TEX261: variants seen among roughly 807,000 people sequenced by gnomAD.
TEX261 encodes the protein testis expressed 261, also known as protein TEX261.
A neutral mutation model predicts 25.1 loss-of-function variants in TEX261; 13 were observed. The observed-to-expected ratio is 0.52, with a 90% CI of 0.34 to 0.82. The LOEUF is 0.82. Ranked by LOEUF, TEX261 falls within the 40% of genes least tolerant of loss-of-function variation. The pLI is 0.02. For missense variants in TEX261, 206 were observed against 243.2 expected (o/e 0.85, Z 1.02); for synonymous variants, 92 against 97.8 (o/e 0.94, Z 0.35).
chr2:70,989,012 C>T lies in TEX261; in HGVS notation c.378G>A (p.Leu126=). 1.2e-6 allele frequency: 2 copies of T among 1,613,020 alleles called. No individual in the cohort carries two copies. Among genetic ancestry groups the T allele is most frequent in the Middle Eastern group, 1.6e-4 (1 of 6,062 alleles). Residue 126 remains leucine (L), a synonymous_variant, in exon 5 of 6, where the codon CTG becomes CTA. Coordinates refer to ENST00000272438, the MANE Select transcript of TEX261 (RefSeq NM_144582.3). The part of the protein sequence containing the change: ...AEEYYPFSEV[L]AYFTFCLWII... ...TCCACAGGCAGAAAGTGAAATAGGC[C>T]AGGACCTGGCAACAAGAGAGACTGA... is the stretch of plus-strand genomic sequence containing the variant.
chr2:70,990,556 G>A (rs193150238), intron 3 of TEX261, among the ~76,000 whole-genome samples: 4 of 152,284 alleles, frequency 2.6e-5, no homozygotes, highest in Admixed American at 2.0e-4. Context: ...ATGGTGAGGT[G>A]AAGGGCAGGC....
rs969956512 is a variant in TEX261 at position 70,989,180 on chromosome 2, C to A, written c.373-163G>T. On this transcript the variant is annotated intron_variant, in intron 4 of 5. Transcript: ENST00000272438. Reference sequence around the variant, plus strand: ...AACGCCACCCTCAGACATGGAAATCCTTCTGTGGGGAAAGGTGGAGGCTGA... The same window carrying A: ...AACGCCACCCTCAGACATGGAAATCATTCTGTGGGGAAAGGTGGAGGCTGA... The A allele has an allele frequency of 9.1e-5, 59 of 649,412 alleles. 1 individual carries two copies. Among genetic ancestry groups the A allele is most frequent in the South Asian group, 5.6e-4 (31 of 54,970 alleles). 40.2% of individuals were successfully genotyped at this position (649,412 alleles called of 1,614,324 possible).
rs147705622 is a variant in TEX261 at position 70,991,829 on chromosome 2, C to A, written c.304+1G>T. 5.0e-6 allele frequency: 8 copies of A among 1,613,044 alleles called. No homozygotes were observed. Among genetic ancestry groups the A allele is most frequent in the Non-Finnish European group, 6.8e-6 (8 of 1,179,520 alleles). ...GCCTCCCCAACTCTGTCCCCTCTCACCACACGACAGGATGAAGTTAGGCGA... is the reference window on the plus strand; with the variant it reads ...GCCTCCCCAACTCTGTCCCCTCTCAACACACGACAGGATGAAGTTAGGCGA... On this transcript the variant is annotated splice_donor_variant, in intron 3 of 5. Coordinates refer to ENST00000272438, the MANE Select transcript of TEX261 (RefSeq NM_144582.3). LOFTEE classifies it high-confidence loss of function.
At chr2:70,992,146 A>T (rs1294605932) in intron 2 of TEX261, among the ~76,000 whole-genome samples, 163 bp from the exon 3 acceptor site, 19 of 136,588 alleles carry the variant, frequency 1.4e-4, no homozygotes, top group African/African-American at 3.8e-4. Flanking sequence ...AAAAGGCAAC[A>T]TTTTTTTTTT....
At chr2:70,990,129 G>T (rs1572941395) in intron 3 of TEX261, among the ~76,000 whole-genome samples, 1 of 152,134 alleles carries the variant, frequency 6.6e-6, no homozygotes, top group South Asian at 2.1e-4. Context: ...TGGATGTGAG[G>T]GCTAAAGAAA....
rs782390733 is a variant in TEX261, at chr2:70,993,767, G to A, written c.79C>T (p.Leu27Phe). The A allele has an allele frequency of 6.2e-7, 1 of 1,612,662 alleles. No homozygotes were observed. Among genetic ancestry groups the A allele is most frequent in the Non-Finnish European group, 8.5e-7 (1 of 1,179,922 alleles). Reference sequence around the variant, plus strand: ...TCTATCAGTTCTGCCAGGTAATAGAGTCCAGCCGCTGCAGGGTGGGAGGCA... The same window carrying A: ...TCTATCAGTTCTGCCAGGTAATAGAATCCAGCCGCTGCAGGGTGGGAGGCA... ...AFITLAVAAGLYYLAELIEEY... is the reference protein window; with the variant it reads ...AFITLAVAAGFYYLAELIEEY... The change falls in exon 2 of 6, where the codon CTC becomes TTC. Residue 27 changes from leucine (L) to phenylalanine (F), a missense_variant. Physicochemically the swap from Leu to Phe is conservative, Grantham distance 22. Transcript: ENST00000272438.
intron 3 of TEX261, 166 bp downstream of exon 3, chr2:70,991,664 T>A: frequency 1.4e-6 from 1 of 716,194 alleles, no homozygotes; most frequent in Non-Finnish European, 2.2e-6. Flanking sequence ...AGAGCCAAGG[T>A]GGGCTCTAGA....
In TEX261 at chr2:70,988,929, G is replaced by A. The variant is rs1558692570; in HGVS notation, c.461C>T (p.Thr154Ile). ...TCCCTTCTCACCTCCTGGCTGCATG[G>A]TAGAGGGCAGGACGTTCTCCCCGGC... Reference protein sequence around the residue: ...LSAGENVLPSTMQPGDDVVSN... With the variant: ...LSAGENVLPSIMQPGDDVVSN... The change falls in exon 5 of 6, where the codon ACC (threonine) becomes ATC (isoleucine). Residue 154 changes from threonine (T) to isoleucine (I), a missense_variant. By Grantham distance (89) the Thr-to-Ile change is moderately conservative (BLOSUM62 -1). Transcript: ENST00000272438. 1 of 1,614,056 alleles carries A rather than the reference G, an allele frequency of 6.2e-7. No individual in the cohort carries two copies. Among genetic ancestry groups the A allele is most frequent in the East Asian group, 2.2e-5 (1 of 44,864 alleles).
intron 2 of TEX261, among the ~76,000 whole-genome samples, chr2:70,992,262 T>G (rs1670316811): frequency 6.6e-6 from 1 of 152,128 alleles, no homozygotes; most frequent in African/African-American, 2.4e-5. Flanking sequence ...TAGTTGGGAC[T>G]ACAGGCATGC....
chr2:70,990,793 G>A (rs1182165581), intron 3 of TEX261, among the ~76,000 whole-genome samples: 1 of 152,194 alleles, frequency 6.6e-6, no homozygotes, highest in Non-Finnish European at 1.5e-5. Context: ...GGCAGATCAA[G>A]GGAGTGAAGT....
Position 70,989,938 on chromosome 2 carries a change from A to G in TEX261, c.305-122T>C, listed in dbSNP as rs1670270861. 3.9e-5 allele frequency: 28 copies of G among 722,576 alleles called. No individual in the cohort carries two copies. In the South Asian group the frequency reaches 4.5e-4, roughly 12 times the overall value. The allele number at this position is 722,576 out of a possible 1,614,324, so 44.8% of individuals were successfully genotyped here. ...AGTCTTAGGCCTGACTTTACACTCA[A>G]CTCAGAGTAGGCTACTGCCTAGAAC... On this transcript the variant is annotated intron_variant, in intron 3 of 5. Coordinates refer to ENST00000272438, the MANE Select transcript of TEX261 (RefSeq NM_144582.3).
rs1553426088 is a variant in TEX261, at chr2:70,994,809, G to A, written c.-52C>T. The A allele has an allele frequency of 4.9e-6, 7 of 1,432,468 alleles. No homozygotes were observed. The highest frequency in any genetic ancestry group is 2.1e-4 in the Middle Eastern group (1 of 4,866). 88.7% of individuals were successfully genotyped at this position (1,432,468 alleles called of 1,614,324 possible). A position where few individuals can be genotyped will look rare whatever the true frequency, so the allele number is the denominator to read the frequency against. ...CCACCGGGACGGGCCTGCGCGCTTCGGCTCCGGCGACACACAGCCGCCACC... is the reference window on the plus strand; with the variant it reads ...CCACCGGGACGGGCCTGCGCGCTTCAGCTCCGGCGACACACAGCCGCCACC... On this transcript the variant is annotated 5_prime_UTR_variant, in exon 1 of 6. Coordinates refer to ENST00000272438, the MANE Select transcript of TEX261 (RefSeq NM_144582.3).
In TEX261 at chr2:70,986,478, G is replaced by C. The variant is rs1670187201; in HGVS notation, c.*2122C>G. ...TGGCCACATGATAGAGAAGCAGTAG[G>C]AGGCTGTCACGATAATCCAGGTGAA... On this transcript the variant is annotated 3_prime_UTR_variant, in exon 6 of 6. Transcript: ENST00000272438. 6.5e-6 allele frequency: 1 copy of C among 152,712 alleles called. No homozygotes were observed. The highest frequency in any genetic ancestry group is 2.1e-4 in the South Asian group (1 of 4,830). The allele number at this position is 152,712 out of a possible 1,614,324, so 9.5% of individuals were successfully genotyped here. A position where few individuals can be genotyped will look rare whatever the true frequency, so the allele number is the denominator to read the frequency against.
chr2:70,993,980 G>GA (rs1294194143), intron 1 of TEX261, among the ~76,000 whole-genome samples: 4 of 152,168 alleles, frequency 2.6e-5, no homozygotes, highest in African/African-American at 9.7e-5. Context: ...AAAAATCAAC[G>GA]AAAGTCTGCA....
rs556142309 is a variant in TEX261 at position 70,990,435 on chromosome 2, C to A, written c.305-619G>T. ...TGTGAACTGATACGTTCTGGACACA[C>A]ACACACACACAGCCACCCCTCCTTG... On this transcript the variant is annotated intron_variant, in intron 3 of 5. Coordinates refer to ENST00000272438, the MANE Select transcript of TEX261 (RefSeq NM_144582.3). Among the ~76,000 whole-genome samples the A allele has an allele frequency of 1.6e-4, 24 of 152,240 alleles. No homozygotes were observed. In the East Asian group the frequency reaches 4.1e-3, roughly 26 times the overall value.
intron 5 of TEX261, 73 bp from the exon 6 acceptor site, chr2:70,988,788 G>A (rs1429621061): frequency 1.2e-5 from 18 of 1,514,958 alleles, no homozygotes; most frequent in East Asian, 4.5e-5. Context: ...GTGTGAACAC[G>A]GCCCTCCCAA....
rs1314956141 is a variant in TEX261 at position 70,992,025 on chromosome 2, G to A, written c.151-42C>T. 8.5e-6 allele frequency: 13 copies of A among 1,532,662 alleles called. No homozygotes were observed. The South Asian group carries it at 1.4e-4, about 17-fold the overall frequency. The allele number at this position is 1,532,662 out of a possible 1,614,324, so 94.9% of individuals were successfully genotyped here. A position where few individuals can be genotyped will look rare whatever the true frequency, so the allele number is the denominator to read the frequency against. On this transcript the variant is annotated intron_variant, in intron 2 of 5. Coordinates refer to ENST00000272438, the MANE Select transcript of TEX261 (RefSeq NM_144582.3). ...CAGACAGTGCAGGGCGCTTCTTCCA[G>A]GCAACGTTCCTGGACTCACCAACCC... is the stretch of plus-strand genomic sequence containing the variant.
At chr2:70,994,573 C>T in intron 1 of TEX261, 115 bp downstream of exon 1, 1 of 1,449,496 alleles carries the variant, frequency 6.9e-7, no homozygotes, top group Admixed American at 2.1e-5. Flanking sequence ...GCGGCGAAGG[C>T]CGGGAGCGCC....
chr2:70,989,736 G>A lies in TEX261; in HGVS notation c.372+13C>T, dbSNP rs781808160. 2.5e-6 allele frequency: 4 copies of A among 1,595,390 alleles called. No homozygotes were observed. The highest frequency in any genetic ancestry group is 2.7e-5 in the African/African-American group (2 of 74,638). On this transcript the variant is annotated intron_variant, in intron 4 of 5. Transcript: ENST00000272438. ...GTCCCTGTTAACAGCTGAATGTGCT[G>A]GACACTTCTTACCTCTGAGAAGGGA...
Sources: gnomAD v4.1 joint callset for allele counts (sites outside exome capture counted in the v4.1 genomes callset) on GRCh38, gnomAD v4.1.1 for gene constraint, MANE v1.5 for transcripts, NCBI Gene and HGNC (gene_info 2026-07-23, HGNC 2026-07-21) for gene names.